Variants in OXR1 observed in about 807,000 individuals in gnomAD.
OXR1 encodes the protein oxidation resistance protein 1.
Under a neutral mutation model 104.6 loss-of-function variants are expected in OXR1, and 41 were observed. The ratio of observed to expected loss-of-function variants is 0.39; its 90% CI spans 0.31 to 0.51. The LOEUF (loss-of-function observed/expected upper bound fraction) is 0.51, where lower values mean the gene tolerates loss of function less well. OXR1 is among the 20% of genes least tolerant of loss of function. OXR1 has a pLI of 0.77. For synonymous variants in OXR1, 348 were observed against 348.4 expected (o/e 1.00, Z 0.01); for missense variants, 955 against 1,031.9 (o/e 0.93, Z 1.02).
chr8:106,459,055 A>G (rs1383428429), intron 2 of OXR1, among the ~76,000 whole-genome samples: 4 of 152,014 alleles, frequency 2.6e-5, no homozygotes, highest in Non-Finnish European at 5.9e-5. Context: ...GACTGCTGGG[A>G]TGGAATGAAT....
At chr8:106,506,166 T>G (rs981917892) in intron 2 of OXR1, among the ~76,000 whole-genome samples, 4 of 152,150 alleles carry the variant, frequency 2.6e-5, no homozygotes, top group African/African-American at 9.7e-5. Flanking sequence ...TTCCAGAGAT[T>G]GGGAAGACAA....
At chr8:106,742,021 C>T (rs907583017) in intron 14 of OXR1, among the ~76,000 whole-genome samples, 3 of 152,010 alleles carry the variant, frequency 2.0e-5, no homozygotes, top group Non-Finnish European at 4.4e-5. Context: ...TCTGTATTTC[C>T]ATTGAAAAAC....
chr8:106,453,328 A>T (rs1820427622), intron 2 of OXR1, among the ~76,000 whole-genome samples: 1 of 152,206 alleles, frequency 6.6e-6, no homozygotes, highest in South Asian at 2.1e-4. Flanking sequence ...ACCAAAGGTA[A>T]AGTACATGGA....
At chr8:106,748,831 A>G (rs1290638528) in intron 16 of OXR1, among the ~76,000 whole-genome samples, 3 of 151,352 alleles carry the variant, frequency 2.0e-5, no homozygotes, top group Non-Finnish European at 2.9e-5. Context: ...CAGCCTCCCA[A>G]AGTGCTGGGA....
At chr8:106,552,130 G>T (rs1815888812) in intron 3 of OXR1, among the ~76,000 whole-genome samples, 1 of 151,922 alleles carries the variant, frequency 6.6e-6, no homozygotes, top group African/African-American at 2.4e-5. Flanking sequence ...ATCAGCTAGG[G>T]TGATCATTCA....
chr8:106,529,065 G>A (rs569895516), intron 3 of OXR1, among the ~76,000 whole-genome samples: 1 of 152,294 alleles, frequency 6.6e-6, no homozygotes, highest in East Asian at 1.9e-4. Flanking sequence ...ACACATGGAA[G>A]CTAAAAGTCC....
chr8:106,332,381 A>G (rs1382396695), intron 1 of OXR1, among the ~76,000 whole-genome samples: 2 of 152,190 alleles, frequency 1.3e-5, no homozygotes, highest in African/African-American at 4.8e-5. Context: ...GCTTATTACA[A>G]ATTATTAATG....
At chr8:106,517,696 A>G (rs1458985154) in intron 2 of OXR1, among the ~76,000 whole-genome samples, 1 of 152,152 alleles carries the variant, frequency 6.6e-6, no homozygotes, top group African/African-American at 2.4e-5. Context: ...ATTCCTCAGG[A>G]CTACTGCTGT....
intron 3 of OXR1, among the ~76,000 whole-genome samples, chr8:106,550,011 G>C (rs1483107528): frequency 6.6e-6 from 1 of 152,096 alleles, no homozygotes; most frequent in African/African-American, 2.4e-5. Flanking sequence ...AACATTTCCT[G>C]GATATCTAAT....
intron 11 of OXR1, among the ~76,000 whole-genome samples, chr8:106,730,546 T>G (rs1056989012): frequency 2.0e-4 from 31 of 152,210 alleles, no homozygotes; most frequent in Admixed American, 1.6e-3. Flanking sequence ...CTTCATGTCT[T>G]TTTGGCTTGA....
At chr8:106,581,452 T>A (rs1818214896) in intron 3 of OXR1, among the ~76,000 whole-genome samples, 1 of 152,150 alleles carries the variant, frequency 6.6e-6, no homozygotes, top group Admixed American at 6.5e-5. Flanking sequence ...AACTTTTGAC[T>A]TTGAGAAAAG....
At chr8:106,293,610 A>G (rs1196509575) in intron 1 of OXR1, among the ~76,000 whole-genome samples, 1 of 152,230 alleles carries the variant, frequency 6.6e-6, no homozygotes. Flanking sequence ...TTTATGAAGA[A>G]CAGAAATTTA....
chr8:106,281,983 A>G (rs527974658), intron 1 of OXR1, among the ~76,000 whole-genome samples: 2 of 152,234 alleles, frequency 1.3e-5, no homozygotes, highest in Non-Finnish European at 2.9e-5. Context: ...TTTATATGCT[A>G]TATTCTATTT....
chr8:106,686,506 CCTATATTT>C (rs1402917041), intron 6 of OXR1, among the ~76,000 whole-genome samples: 3 of 151,884 alleles, frequency 2.0e-5, no homozygotes, highest in Non-Finnish European at 4.4e-5. Flanking sequence ...ATCTCAAGTG[CCTATATTT>C]CTATATTTCT....
intron 3 of OXR1, among the ~76,000 whole-genome samples, chr8:106,613,932 G>A (rs1455036796): frequency 1.3e-5 from 2 of 151,802 alleles, no homozygotes; most frequent in African/African-American, 2.4e-5. Flanking sequence ...TTGGCATCTC[G>A]ACTGCATTTG....
intron 3 of OXR1, among the ~76,000 whole-genome samples, chr8:106,666,143 A>G (rs530264018): frequency 4.6e-5 from 7 of 152,002 alleles, no homozygotes; most frequent in Non-Finnish European, 5.9e-5. Context: ...GGGGAAAACA[A>G]TTAATCCAAA....
At position 106,740,287 on chromosome 8, in the gene OXR1, T is replaced by C; in HGVS notation, c.2164-56T>C. 3.6e-6 allele frequency: 5 copies of C among 1,389,012 alleles called. No individual in the cohort carries two copies. In the South Asian group the frequency reaches 6.4e-5, roughly 18 times the overall value. The allele number at this position is 1,389,012 out of a possible 1,614,324, so 86.0% of individuals were successfully genotyped here. A position where few individuals can be genotyped will look rare whatever the true frequency, so the allele number is the denominator to read the frequency against. On this transcript the variant is annotated intron_variant, in intron 13 of 16. Coordinates refer to ENST00000517566, the MANE Select transcript of OXR1 (RefSeq NM_001198533.2). ...CATTACATTCCAGCTGGCATTAGTA[T>C]TCTACATAATGAACAACAAGCTATC...
At chr8:106,314,684 G>A (rs908389540) in intron 1 of OXR1, among the ~76,000 whole-genome samples, 17 of 152,270 alleles carry the variant, frequency 1.1e-4, no homozygotes, top group Non-Finnish European at 1.9e-4. Flanking sequence ...GGCTGGTAAC[G>A]TAGTGAAGCA....
chr8:106,734,385 T>A (rs1309859833), intron 11 of OXR1, among the ~76,000 whole-genome samples: 1 of 152,198 alleles, frequency 6.6e-6, no homozygotes, highest in Non-Finnish European at 1.5e-5. Flanking sequence ...CTTTAACATA[T>A]TTTTTGAGAC....
Sources: gnomAD v4.1 joint callset for allele counts (sites outside exome capture counted in the v4.1 genomes callset) on GRCh38, gnomAD v4.1.1 for gene constraint, MANE v1.5 for transcripts, NCBI Gene and HGNC (gene_info 2026-07-23, HGNC 2026-07-21) for gene names.